The following CAND1 variants were observed in gnomAD, a reference collection of about 807,000 sequenced individuals.
The protein encoded by CAND1 is cullin-associated NEDD8-dissociated protein 1.
In CAND1, 7 loss-of-function variants were observed where a neutral mutation model predicts 108.5. The observed-to-expected ratio is 0.06, with a 90% CI of 0.04 to 0.12. The LOEUF is 0.12. Among genes scored for constraint, CAND1 ranks in the 10% least tolerant of loss-of-function variants. The pLI, the probability that CAND1 is intolerant of heterozygous loss-of-function variation, is 1.00. For missense variants in CAND1, 941 were observed against 1,448.7 expected (o/e 0.65, Z 5.69); for synonymous variants, 534 against 512.0 (o/e 1.04, Z -0.58).
chr12:67,315,546 T>A lies in CAND1; in HGVS notation c.*2716T>A, dbSNP rs2045000080. On this transcript the variant is annotated 3_prime_UTR_variant, in exon 15 of 15. Transcript: ENST00000545606. ...AAAATCAATAGCACTGAATGATAAT[T>A]TTTTTAATGACAGTCATGTATTTTA... is the stretch of plus-strand genomic sequence containing the variant. The A allele has an allele frequency of 6.6e-6, 1 of 152,098 alleles. No individual in the cohort carries two copies. Among genetic ancestry groups the A allele is most frequent in the Non-Finnish European group, 1.5e-5 (1 of 68,030 alleles). 9.4% of individuals were successfully genotyped at this position (152,098 alleles called of 1,614,324 possible).
chr12:67,298,019 C>CA (rs1325382946), intron 6 of CAND1, among the ~76,000 whole-genome samples, 166 bp downstream of exon 6: 2 of 152,036 alleles, frequency 1.3e-5, no homozygotes, highest in Admixed American at 6.6e-5. Context: ...ATGTGGTCAT[C>CA]ACATTTATTT....
intron 11 of CAND1, among the ~76,000 whole-genome samples, chr12:67,308,967 C>T (rs1478173017): frequency 1.3e-5 from 2 of 151,832 alleles, no homozygotes; most frequent in East Asian, 3.9e-4. Flanking sequence ...CCTACATTTC[C>T]CTGTGTATTC....
rs1174401255 is a variant in CAND1 at position 67,316,495 on chromosome 12, C to G, written c.*3665C>G. 6.6e-6 allele frequency: 1 copy of G among 152,170 alleles called. No homozygotes were observed. The highest frequency in any genetic ancestry group is 1.5e-5 in the Non-Finnish European group (1 of 68,016). The allele number at this position is 152,170 out of a possible 1,614,324, so 9.4% of individuals were successfully genotyped here. A position where few individuals can be genotyped will look rare whatever the true frequency, so the allele number is the denominator to read the frequency against. On this transcript the variant is annotated 3_prime_UTR_variant, in exon 15 of 15. Transcript: ENST00000545606. ...GATCTTTCAGCAACATGTTTTTGCT[C>G]TTTGTAACTTAGAAAGTTAGCTCTG... is the stretch of plus-strand genomic sequence containing the variant.
At chr12:67,306,709 T>A in intron 10 of CAND1, 112 bp downstream of exon 10, 1 of 769,266 alleles carries the variant, frequency 1.3e-6, no homozygotes, top group Non-Finnish European at 2.1e-6. Context: ...ACCTAAAAGC[T>A]AAGTATGTGA....
chr12:67,306,168 A>G lies in CAND1; in HGVS notation c.2500A>G (p.Ile834Val), dbSNP rs1365899733. The G allele has an allele frequency of 2.5e-6, 4 of 1,614,158 alleles. No homozygotes were observed. Among genetic ancestry groups the G allele is most frequent in the Admixed American group, 1.7e-5 (1 of 60,024 alleles). The change falls in exon 10 of 15, where the codon ATT becomes GTT. Residue 834 changes from isoleucine (I) to valine (V), a missense_variant. Transcript: ENST00000545606. ...DVKNSRSTDS[I>V]RLLALLSLGE... ...CAAGAACTCAAGGTCTACAGATTCC[A>G]TTCGTCTCTTAGCTCTACTTTCTCT...
rs2045011565 is a variant in CAND1, at chr12:67,316,799, A to G, written c.*3969A>G. 1 of 152,148 alleles carries G rather than the reference A, an allele frequency of 6.6e-6. No individual in the cohort carries two copies. Among genetic ancestry groups the G allele is most frequent in the South Asian group, 2.1e-4 (1 of 4,820 alleles). 9.4% of individuals were successfully genotyped at this position (152,148 alleles called of 1,614,324 possible). ...ATTAATTTGCTATTGCCAGTAAGTA[A>G]TGGTTGATGGATATTAAGTGATTTT... On this transcript the variant is annotated 3_prime_UTR_variant, in exon 15 of 15. Coordinates refer to ENST00000545606, the MANE Select transcript of CAND1 (RefSeq NM_018448.5).
In CAND1 at chr12:67,309,997, T is replaced by G; in HGVS notation, c.3122T>G (p.Ile1041Arg). The change falls in exon 12 of 15, where the codon ATA becomes AGA. Residue 1041 changes from isoleucine to arginine, a missense_variant. Coordinates refer to ENST00000545606, the MANE Select transcript of CAND1 (RefSeq NM_018448.5). Reference sequence around the variant, plus strand: ...GCAGCACATAACAAGCCATCATTAATAAGGGATCTATTGGATACTGTTCTT... The same window carrying G: ...GCAGCACATAACAAGCCATCATTAAGAAGGGATCTATTGGATACTGTTCTT... ...NSAAHNKPSL[I>R]RDLLDTVLPH... 6.2e-7 allele frequency: 1 copy of G among 1,612,116 alleles called. No homozygotes were observed. The highest frequency in any genetic ancestry group is 1.1e-5 in the South Asian group (1 of 90,988).
At position 67,315,482 on chromosome 12, in the gene CAND1, A is replaced by T. The variant is rs2044999478; in HGVS notation, c.*2652A>T. On this transcript the variant is annotated 3_prime_UTR_variant, in exon 15 of 15. Coordinates refer to ENST00000545606, the MANE Select transcript of CAND1 (RefSeq NM_018448.5). ...AAAAAAAAAAAAAAGGCAGGAAGGA[A>T]ATTTGGTATGGCAGGGCCTAACCTA... is the stretch of plus-strand genomic sequence containing the variant. 1 of 151,514 alleles carries T rather than the reference A, an allele frequency of 6.6e-6. No homozygotes were observed. Among genetic ancestry groups the T allele is most frequent in the African/African-American group, 2.4e-5 (1 of 41,194 alleles). The allele number at this position is 151,514 out of a possible 1,614,324, so 9.4% of individuals were successfully genotyped here.
Position 67,306,139 on chromosome 12 carries a change from A to G in CAND1, c.2471A>G (p.Asp824Gly), listed in dbSNP as rs2136017931. The change falls in exon 10 of 15, where the codon GAT becomes GGT. Residue 824 changes from aspartate (D) to glycine (G), a missense_variant. Coordinates refer to ENST00000545606, the MANE Select transcript of CAND1 (RefSeq NM_018448.5). ...GCTGTAGTAGGTCAGTTTATTCAAG[A>G]TGTCAAGAACTCAAGGTCTACAGAT... ...GPAVVGQFIQ[D>G]VKNSRSTDSI... 1.2e-6 allele frequency: 2 copies of G among 1,614,124 alleles called. No individual in the cohort carries two copies. Among genetic ancestry groups the G allele is most frequent in the Non-Finnish European group, 1.7e-6 (2 of 1,180,000 alleles).
At chr12:67,290,153 C>G (rs2044709334) in intron 2 of CAND1, among the ~76,000 whole-genome samples, 1 of 152,110 alleles carries the variant, frequency 6.6e-6, no homozygotes, top group Non-Finnish European at 1.5e-5. Context: ...TTGTTTTAGT[C>G]TCTGTTCTTT....
intron 1 of CAND1, among the ~76,000 whole-genome samples, chr12:67,279,398 G>A (rs950359838): frequency 6.6e-6 from 1 of 152,040 alleles, no homozygotes; most frequent in African/African-American, 2.4e-5. Flanking sequence ...CTTTCAAACT[G>A]GTCAAACAGC....
At chr12:67,311,619 AT>A in intron 13 of CAND1, 73 bp from the exon 14 acceptor site, 1 of 900,610 alleles carries the variant, frequency 1.1e-6, no homozygotes, top group East Asian at 2.5e-5. Flanking sequence ...CCTTTAAAGG[AT>A]TTGTCAGAAT....
rs893054211 is a variant in CAND1, at chr12:67,282,118, A to G, written c.212+65A>G. On this transcript the variant is annotated intron_variant, in intron 2 of 14. Transcript: ENST00000545606. ...CCCCAACCCTGTTTTTAAAAACTCT[A>G]TGATAAGTAGTAAATTATCTTAGCC... The G allele has an allele frequency of 3.8e-5, 57 of 1,504,750 alleles. No individual in the cohort carries two copies. The Middle Eastern group carries it at 6.8e-4, about 18-fold the overall frequency. 93.2% of individuals were successfully genotyped at this position (1,504,750 alleles called of 1,614,324 possible).
intron 1 of CAND1, among the ~76,000 whole-genome samples, chr12:67,278,618 A>G (rs2044591991): frequency 6.6e-6 from 1 of 152,152 alleles, no homozygotes; most frequent in South Asian, 2.1e-4. Context: ...TCCCAGGTTC[A>G]AGCGATTCTC....
In CAND1 at chr12:67,269,360, T is replaced by C. The variant is rs1180375931; in HGVS notation, c.-358T>C. The C allele has an allele frequency of 1.1e-5, 3 of 265,350 alleles. No homozygotes were observed. Among genetic ancestry groups the C allele is most frequent in the Non-Finnish European group, 2.1e-5 (3 of 139,662 alleles). The allele number at this position is 265,350 out of a possible 1,614,324, so 16.4% of individuals were successfully genotyped here. A position where few individuals can be genotyped will look rare whatever the true frequency, so the allele number is the denominator to read the frequency against. ...GAGCGAAGGAGGCGGGCTTTGGCCT[T>C]TTGCCCTAGGGAGCGAGTGCGGAGC... On this transcript the variant is annotated 5_prime_UTR_variant, in exon 1 of 15. Transcript: ENST00000545606.
chr12:67,298,010 TGTG>T (rs895472216), intron 6 of CAND1, among the ~76,000 whole-genome samples, 157 bp downstream of exon 6: 1 of 152,216 alleles, frequency 6.6e-6, no homozygotes. Context: ...TATTATAAAA[TGTG>T]GTCATCACAT....
At chr12:67,289,988 A>C (rs972546742) in intron 2 of CAND1, among the ~76,000 whole-genome samples, 1 of 152,190 alleles carries the variant, frequency 6.6e-6, no homozygotes. Flanking sequence ...GAAAAAATGC[A>C]TTGGCTGCCA....
Position 67,309,959 on chromosome 12 carries a change from C to A in CAND1, c.3084C>A (p.Val1028=). The change falls in exon 12 of 15, where the codon GTC becomes GTA. Residue 1028 remains valine, a synonymous_variant. Coordinates refer to ENST00000545606, the MANE Select transcript of CAND1 (RefSeq NM_018448.5). ...TGAATGTGAGAAGAGTAGCCTTGGT[C>A]ACATTTAATTCAGCAGCACATAACA... The part of the protein sequence containing the change: ...PDLNVRRVAL[V]TFNSAAHNKP... 6.2e-7 allele frequency: 1 copy of A among 1,612,590 alleles called. No individual in the cohort carries two copies. The highest frequency in any genetic ancestry group is 8.5e-7 in the Non-Finnish European group (1 of 1,178,970).
At chr12:67,280,700 TGG>T (rs1415009520) in intron 1 of CAND1, among the ~76,000 whole-genome samples, 2 of 152,212 alleles carry the variant, frequency 1.3e-5, no homozygotes, top group Non-Finnish European at 1.5e-5. Context: ...ATGAATTGTT[TGG>T]TAAGGCATGT....
Sources: allele counts gnomAD v4.1 joint callset (sites outside exome capture counted in the v4.1 genomes callset), GRCh38; gene constraint gnomAD v4.1.1; transcripts MANE v1.5; gene names NCBI Gene and HGNC (gene_info 2026-07-23, HGNC 2026-07-21).